The following SHISA6 variants were observed in gnomAD, a reference collection of about 807,000 sequenced individuals.
SHISA6 encodes the protein shisa family member 6, also known as protein shisa-6.
A neutral mutation model predicts 47.9 loss-of-function variants in SHISA6; 22 were observed. The observed-to-expected ratio is 0.46, with a 90% CI of 0.33 to 0.66. The LOEUF is 0.66. Ranked by LOEUF, SHISA6 falls within the 30% of genes least tolerant of loss-of-function variation. SHISA6 has a pLI of 0.02. For synonymous variants in SHISA6, 388 were observed against 337.8 expected, an observed-to-expected ratio of 1.15 and a Z score of -1.63; for missense variants, 680 against 764.6, an observed-to-expected ratio of 0.89 and a Z score of 1.30.
At chr17:11,378,673 C>G (rs1912900394) in intron 2 of SHISA6, among the ~76,000 whole-genome samples, 1 of 152,164 alleles carries the variant, frequency 6.6e-6, no homozygotes, top group Admixed American at 6.6e-5. Context: ...CTAACCTGCC[C>G]TCTGTCTTTT....
At chr17:11,376,321 G>T (rs369293583) in intron 2 of SHISA6, among the ~76,000 whole-genome samples, 2,559 of 78,362 alleles carry the variant, frequency 0.033, 59 homozygotes, top group Admixed American at 0.15. Context: ...GTTTTTTTTT[G>T]TTTGTTTTTT....
At chr17:11,503,084 T>C (rs1398237625) in intron 3 of SHISA6, among the ~76,000 whole-genome samples, 2 of 152,220 alleles carry the variant, frequency 1.3e-5, no homozygotes, top group South Asian at 2.1e-4. Context: ...AATTTCCCTC[T>C]GTAAGAGCTG....
intron 2 of SHISA6, among the ~76,000 whole-genome samples, chr17:11,311,861 C>T (rs898994653): frequency 1.3e-5 from 2 of 151,946 alleles, no homozygotes; most frequent in Non-Finnish European, 2.9e-5. Flanking sequence ...CTGCAAACTC[C>T]GTCTGCCGGG....
intron 3 of SHISA6, among the ~76,000 whole-genome samples, chr17:11,397,895 C>G (rs373696556): frequency 2.6e-5 from 4 of 152,094 alleles, no homozygotes; most frequent in East Asian, 3.9e-4. Flanking sequence ...TAGAGCCCCC[C>G]CTTAGGCATC....
intron 1 of SHISA6, among the ~76,000 whole-genome samples, chr17:11,256,581 G>A (rs1443878747): frequency 6.6e-6 from 1 of 152,164 alleles, no homozygotes; most frequent in Non-Finnish European, 1.5e-5. Flanking sequence ...CACAGGTACA[G>A]TTATGAACTC....
At chr17:11,391,007 T>C (rs1913368736) in intron 3 of SHISA6, among the ~76,000 whole-genome samples, 1 of 152,116 alleles carries the variant, frequency 6.6e-6, no homozygotes, top group Admixed American at 6.6e-5. Flanking sequence ...AATGGACGGG[T>C]CCTAAATGGC....
At chr17:11,518,143 C>G (rs963090770) in intron 3 of SHISA6, among the ~76,000 whole-genome samples, 4 of 152,116 alleles carry the variant, frequency 2.6e-5, no homozygotes, top group Admixed American at 1.3e-4. Flanking sequence ...TCTAGATTTC[C>G]TGGTCTCAGG....
At chr17:11,506,650 T>G (rs2071501348) in intron 3 of SHISA6, among the ~76,000 whole-genome samples, 1 of 152,108 alleles carries the variant, frequency 6.6e-6, no homozygotes, top group African/African-American at 2.4e-5. Context: ...AGTACAAAGT[T>G]GGGGTGGAAC....
intron 3 of SHISA6, among the ~76,000 whole-genome samples, chr17:11,446,954 A>G (rs2969244): frequency 0.8 from 121,963 of 152,174 alleles, 49,256 homozygotes; most frequent in African/African-American, 0.91. Context: ...AACAAGTATA[A>G]TTTTATTCCT....
chr17:11,456,179 G>A (rs1222660127), intron 3 of SHISA6, among the ~76,000 whole-genome samples: 3 of 152,198 alleles, frequency 2.0e-5, no homozygotes, highest in Non-Finnish European at 2.9e-5. Flanking sequence ...GGTGGGAGAC[G>A]GAGGACCGGA....
chr17:11,413,378 C>T (rs1315710329), intron 3 of SHISA6, among the ~76,000 whole-genome samples: 3 of 152,140 alleles, frequency 2.0e-5, no homozygotes, highest in African/African-American at 7.2e-5. Context: ...CTGGGAAGCT[C>T]CAGTTATGAC....
chr17:11,498,758 G>A (rs113618741), intron 3 of SHISA6, among the ~76,000 whole-genome samples: 196 of 152,244 alleles, frequency 1.3e-3, no homozygotes, highest in African/African-American at 4.4e-3. Context: ...GAAAGACCTG[G>A]GCTGGACTAG....
At chr17:11,334,146 C>T (rs748162302) in intron 2 of SHISA6, among the ~76,000 whole-genome samples, 7 of 152,220 alleles carry the variant, frequency 4.6e-5, no homozygotes, top group East Asian at 1.9e-4. Context: ...ATAGCCAGTT[C>T]GTTCAAAGTG....
intron 3 of SHISA6, among the ~76,000 whole-genome samples, chr17:11,429,331 A>G (rs1273110043): frequency 6.6e-6 from 1 of 152,184 alleles, no homozygotes; most frequent in Non-Finnish European, 1.5e-5. Flanking sequence ...CAGAAGTGCC[A>G]TCCCATCACT....
At chr17:11,465,535 T>C (rs1354298146) in intron 3 of SHISA6, among the ~76,000 whole-genome samples, 1 of 152,182 alleles carries the variant, frequency 6.6e-6, no homozygotes, top group Non-Finnish European at 1.5e-5. Flanking sequence ...CCCAGGTAGC[T>C]GGGACCAGGT....
At chr17:11,491,770 GTTTTT>G (rs1297841489) in intron 3 of SHISA6, among the ~76,000 whole-genome samples, 4 of 135,266 alleles carry the variant, frequency 3.0e-5, no homozygotes, top group African/African-American at 5.8e-5. Flanking sequence ...CTGGTGAAGT[GTTTTT>G]TTTTTTTTTT....
intron 2 of SHISA6, among the ~76,000 whole-genome samples, chr17:11,346,480 G>A (rs1911702388): frequency 6.6e-6 from 1 of 152,138 alleles, no homozygotes. Context: ...AGATTTCAGA[G>A]GTAGGTGATT....
intron 2 of SHISA6, among the ~76,000 whole-genome samples, chr17:11,295,736 G>C (rs1263879979): frequency 2.0e-5 from 3 of 152,098 alleles, no homozygotes. Context: ...GGCTGAGGCA[G>C]GCAGGTCATG....
intron 4 of SHISA6, among the ~76,000 whole-genome samples, chr17:11,553,888 T>G (rs1427734984): frequency 1.3e-5 from 2 of 152,154 alleles, no homozygotes; most frequent in Admixed American, 6.5e-5. Flanking sequence ...GATGGGACAT[T>G]GGCACAGCAA....
Sources: gnomAD v4.1 joint callset for allele counts (sites outside exome capture counted in the v4.1 genomes callset) on GRCh38, gnomAD v4.1.1 for gene constraint, MANE v1.5 for transcripts, NCBI Gene and HGNC (gene_info 2026-07-23, HGNC 2026-07-21) for gene names.